The following ELF2 variants were observed in gnomAD, a reference collection of about 807,000 sequenced individuals.
ELF2 encodes the protein ETS-related transcription factor Elf-2.
ELF2 carries 11 observed loss-of-function variants against 54.8 expected under a neutral mutation model. The observed-to-expected ratio is 0.20, with a 90% CI of 0.13 to 0.33. The LOEUF (loss-of-function observed/expected upper bound fraction) is 0.33, where lower values mean the gene tolerates loss of function less well. Ranked by LOEUF, ELF2 falls within the 10% of genes least tolerant of loss-of-function variation. The pLI, the probability that ELF2 is intolerant of heterozygous loss-of-function variation, is 1.00. For missense variants in ELF2, 513 were observed against 703.0 expected, an observed-to-expected ratio of 0.73 and a Z score of 3.06; for synonymous variants, 203 against 245.1, an observed-to-expected ratio of 0.83 and a Z score of 1.61.
At chr4:139,161,454 T>G (rs938517257) in intron 1 of ELF2, among the ~76,000 whole-genome samples, 4 of 152,014 alleles carry the variant, frequency 2.6e-5, no homozygotes, top group African/African-American at 9.7e-5. Context: ...AAGACTAATT[T>G]AATAGTGTTG....
intron 1 of ELF2, among the ~76,000 whole-genome samples, chr4:139,147,533 G>A (rs964636607): frequency 3.3e-5 from 5 of 152,066 alleles, no homozygotes; most frequent in East Asian, 3.9e-4. Context: ...GAGCAGTGGC[G>A]CGATCTCGGC....
chr4:139,129,854 T>C (rs1356108971), intron 3 of ELF2, among the ~76,000 whole-genome samples: 2 of 152,168 alleles, frequency 1.3e-5, no homozygotes, highest in Non-Finnish European at 2.9e-5. Context: ...TCCCCTTTGG[T>C]CTAAAAGGAA....
At chr4:139,084,032 TG>T in intron 4 of ELF2, 1 of 1,585,282 alleles carries the variant, frequency 6.3e-7, no homozygotes, top group Non-Finnish European at 8.6e-7. Context: ...AGGTGGACAC[TG>T]TACCCCCAGC....
Position 139,165,443 on chromosome 4 carries a change from CACCT to C in ELF2, c.-252+11520_-252+11523del, listed in dbSNP as rs1419267972. ...CTCTGGGAGGCCGAGGTGGATGGATCACCTGAGGTCAGAGTTCGAGACCAACCTG... is the reference window on the plus strand; with the variant it reads ...CTCTGGGAGGCCGAGGTGGATGGATCGAGGTCAGAGTTCGAGACCAACCTG... On this transcript the variant is annotated intron_variant, in intron 1 of 9. Coordinates refer to ENST00000686138, the MANE Select transcript of ELF2 (RefSeq NM_001331036.3). Among the ~76,000 whole-genome samples the C allele has an allele frequency of 2.0e-5, 3 of 152,240 alleles. No homozygotes were observed. The East Asian group carries it at 5.8e-4, about 29-fold the overall frequency.
chr4:139,135,275 G>GTGTA (rs1553968048), intron 3 of ELF2, among the ~76,000 whole-genome samples: 2 of 136,538 alleles, frequency 1.5e-5, no homozygotes, highest in Non-Finnish European at 3.2e-5. Flanking sequence ...GTGTGTGTGT[G>GTGTA]TGTGTATATA....
intron 1 of ELF2, among the ~76,000 whole-genome samples, chr4:139,151,023 CAAA>C (rs79837347): frequency 9.5e-4 from 46 of 48,330 alleles, no homozygotes; most frequent in African/African-American, 2.7e-3. Context: ...GGCTCCATCT[CAAA>C]AAAAAAAAAG....
chr4:139,173,120 G>C (rs1700894702), intron 1 of ELF2, among the ~76,000 whole-genome samples: 1 of 152,022 alleles, frequency 6.6e-6, no homozygotes, highest in African/African-American at 2.4e-5. Context: ...GAGGCTGGGG[G>C]TGGGAATAAG....
intron 4 of ELF2, among the ~76,000 whole-genome samples, chr4:139,110,572 C>A (rs916336973): frequency 1.3e-5 from 2 of 152,082 alleles, no homozygotes; most frequent in South Asian, 4.1e-4. Context: ...ATAAAGAAAT[C>A]TGGTTTGAAC....
chr4:139,071,435 C>T (rs1729496485), intron 6 of ELF2, among the ~76,000 whole-genome samples: 1 of 151,838 alleles, frequency 6.6e-6, no homozygotes, highest in Admixed American at 6.6e-5. Flanking sequence ...GGACTAAAGG[C>T]GTGCCTGGCT....
At chr4:139,097,171 T>G (rs1322680157) in intron 4 of ELF2, among the ~76,000 whole-genome samples, 1 of 152,196 alleles carries the variant, frequency 6.6e-6, no homozygotes, top group Non-Finnish European at 1.5e-5. Context: ...TCCAAGTTTT[T>G]GGTTTTTTTG....
rs1318161687 is a variant in ELF2, at chr4:139,135,238, T to C, written c.72+2392A>G. On this transcript the variant is annotated intron_variant, in intron 3 of 9. Coordinates refer to ENST00000686138, the MANE Select transcript of ELF2 (RefSeq NM_001331036.3). ...TATTATACATATACTACTATATATA[T>C]GTGTGTGTGTGTGTGTGTGTGTGTG... 7.4e-5 allele frequency among the ~76,000 whole-genome samples: 3 copies of C among 40,382 alleles called. No homozygotes were observed. The South Asian group carries it at 3.7e-3, about 50-fold the overall frequency. The allele number at this position is 40,382 out of a possible 152,430, so 26.5% of individuals were successfully genotyped here.
intron 4 of ELF2, among the ~76,000 whole-genome samples, chr4:139,111,982 A>G (rs1265222530): frequency 6.6e-6 from 1 of 152,160 alleles, no homozygotes; most frequent in African/African-American, 2.4e-5. Context: ...AGCACTTACT[A>G]TTTTGAAAAA....
intron 1 of ELF2, among the ~76,000 whole-genome samples, chr4:139,145,541 A>T (rs1739142676): frequency 6.6e-6 from 1 of 152,236 alleles, no homozygotes; most frequent in African/African-American, 2.4e-5. Context: ...CATTCTATGA[A>T]GTCAGTATCA....
At chr4:139,149,429 G>A (rs906800352) in intron 1 of ELF2, among the ~76,000 whole-genome samples, 1 of 152,118 alleles carries the variant, frequency 6.6e-6, no homozygotes, top group Non-Finnish European at 1.5e-5. Context: ...GGCCAACATG[G>A]TGAAACCCCA....
intron 1 of ELF2, among the ~76,000 whole-genome samples, chr4:139,159,284 T>C (rs1163533610): frequency 6.6e-6 from 1 of 152,170 alleles, no homozygotes; most frequent in Non-Finnish European, 1.5e-5. Flanking sequence ...AATGATTTCC[T>C]TGAGGATAGA....
upstream of ELF2, among the ~76,000 whole-genome samples, chr4:139,177,703 C>T (rs1394488011): frequency 6.6e-6 from 1 of 151,986 alleles, no homozygotes; most frequent in Non-Finnish European, 1.5e-5. Context: ...CGCCGGCTTT[C>T]CCCCGCCGGC....
At chr4:139,060,767 C>A in intron 8 of ELF2, 93 bp from the exon 9 acceptor site, 2 of 983,432 alleles carry the variant, frequency 2.0e-6, no homozygotes, top group Non-Finnish European at 3.0e-6. Flanking sequence ...TGGATACTAA[C>A]AGAAACATTC....
intron 3 of ELF2, among the ~76,000 whole-genome samples, chr4:139,127,328 T>C (rs1378762483): frequency 6.6e-6 from 1 of 152,184 alleles, no homozygotes; most frequent in Non-Finnish European, 1.5e-5. Context: ...CACTGCCAGA[T>C]ACCAGAGCAG....
intron 1 of ELF2, among the ~76,000 whole-genome samples, chr4:139,157,779 C>G (rs772380968): frequency 7.9e-5 from 12 of 152,202 alleles, no homozygotes; most frequent in Admixed American, 1.3e-4. Context: ...AAGAACTAGA[C>G]TAGTCAGGTT....
Sources: gnomAD v4.1 joint callset for allele counts (sites outside exome capture counted in the v4.1 genomes callset) on GRCh38, gnomAD v4.1.1 for gene constraint, MANE v1.5 for transcripts, NCBI Gene and HGNC (gene_info 2026-07-23, HGNC 2026-07-21) for gene names.